Variants in GRM8 observed in about 807,000 individuals in gnomAD.
GRM8 encodes the protein glutamate metabotropic receptor 8.
In GRM8, 47 loss-of-function variants were observed where a neutral mutation model predicts 87.2. The observed-to-expected ratio is 0.54, with a 90% CI of 0.43 to 0.69. The LOEUF (loss-of-function observed/expected upper bound fraction) is 0.69, where lower values mean the gene tolerates loss of function less well. Among genes scored for constraint, GRM8 ranks in the 30% least tolerant of loss-of-function variants. The pLI is 0.00. For missense variants in GRM8, 1,019 were observed against 1,139.2 expected (o/e 0.89, Z 1.52); for synonymous variants, 396 against 404.5 (o/e 0.98, Z 0.25).
intron 8 of GRM8, among the ~76,000 whole-genome samples, chr7:126,591,686 T>A (rs1337836535): frequency 6.6e-6 from 1 of 150,946 alleles, no homozygotes; most frequent in Non-Finnish European, 1.5e-5. Flanking sequence ...AAGACCAGTC[T>A]AAGGTAAACA....
At chr7:127,218,497 C>T (rs979624503) in intron 2 of GRM8, among the ~76,000 whole-genome samples, 1 of 152,176 alleles carries the variant, frequency 6.6e-6, no homozygotes, top group Non-Finnish European at 1.5e-5. Context: ...CCTCAGTTTC[C>T]TCAATGTAAG....
intron 8 of GRM8, among the ~76,000 whole-genome samples, chr7:126,582,696 A>G (rs1036826987): frequency 5.9e-5 from 9 of 152,140 alleles, no homozygotes; most frequent in Admixed American, 3.9e-4. Context: ...ATCGAATCCA[A>G]TGCTCATTGA....
At chr7:126,934,818 T>A (rs569109481) in intron 3 of GRM8, among the ~76,000 whole-genome samples, 4 of 152,328 alleles carry the variant, frequency 2.6e-5, no homozygotes, top group Admixed American at 2.6e-4. Context: ...ATACTTTGAC[T>A]CCTTGGAGGT....
chr7:126,859,666 G>T (rs990195031), intron 6 of GRM8, among the ~76,000 whole-genome samples: 1 of 152,170 alleles, frequency 6.6e-6, no homozygotes. Flanking sequence ...TAAATGAAAT[G>T]CATATACGTA....
At chr7:127,125,765 A>AACACACACACACACACACAC (rs375563287) in intron 2 of GRM8, among the ~76,000 whole-genome samples, 63 of 141,182 alleles carry the variant, frequency 4.5e-4, no homozygotes, top group South Asian at 3.4e-3. Flanking sequence ...CAAACAACTA[A>AACACACACACACACACACAC]ACACACACAC....
rs1272615289 is a variant in GRM8, at chr7:127,252,673, G to C, written c.-312+124C>G. 1 of 153,962 alleles carries C rather than the reference G, an allele frequency of 6.5e-6. No homozygotes were observed. Among genetic ancestry groups the C allele is most frequent in the Non-Finnish European group, 1.4e-5 (1 of 69,322 alleles). The allele number at this position is 153,962 out of a possible 1,614,324, so 9.5% of individuals were successfully genotyped here. A position where few individuals can be genotyped will look rare whatever the true frequency, so the allele number is the denominator to read the frequency against. On this transcript the variant is annotated intron_variant, in intron 1 of 10. Coordinates refer to ENST00000339582, the MANE Select transcript of GRM8 (RefSeq NM_000845.3). This position sits in a 1 kb window ranked among gnomAD's most constrained non-coding sequence, Gnocchi z 4.9. The stretch of plus-strand genomic sequence containing the variant: ...AAAACGGAAAGGGGAATAAAACGGG[G>C]GGATTCTCCTTTTCCAACAAGCAGG...
intron 2 of GRM8, among the ~76,000 whole-genome samples, chr7:127,236,541 G>A (rs1797992674): frequency 1.3e-5 from 2 of 152,146 alleles, no homozygotes. Flanking sequence ...CAGATCTCGT[G>A]AGAACTCACT....
intron 7 of GRM8, among the ~76,000 whole-genome samples, chr7:126,648,846 G>T (rs1295908833): frequency 6.6e-6 from 1 of 152,136 alleles, no homozygotes; most frequent in Non-Finnish European, 1.5e-5. Flanking sequence ...CTTAGATGAA[G>T]AATATAGGGA....
chr7:126,907,456 C>G (rs1802834615), intron 3 of GRM8, among the ~76,000 whole-genome samples: 3 of 151,896 alleles, frequency 2.0e-5, no homozygotes, highest in Non-Finnish European at 4.4e-5. Flanking sequence ...GAGGACTGCT[C>G]AGGGAAAGCC....
chr7:126,494,347 A>G (rs1315334109), intron 9 of GRM8, among the ~76,000 whole-genome samples: 3 of 151,790 alleles, frequency 2.0e-5, no homozygotes, highest in Non-Finnish European at 4.4e-5. Context: ...ATTTCAAACA[A>G]TCTTAGAGAA....
At chr7:126,473,483 T>C (rs1363126309) in intron 9 of GRM8, among the ~76,000 whole-genome samples, 1 of 152,176 alleles carries the variant, frequency 6.6e-6, no homozygotes, top group Non-Finnish European at 1.5e-5. Flanking sequence ...ACCCAATGTA[T>C]CTAGGAAGTA....
chr7:127,038,100 T>TA (rs1250789495), intron 3 of GRM8, among the ~76,000 whole-genome samples: 1 of 152,182 alleles, frequency 6.6e-6, no homozygotes, highest in Non-Finnish European at 1.5e-5. Context: ...TGAATGTTGT[T>TA]TTCTGTCAGT....
At chr7:126,597,309 A>G (rs1276121613) in intron 8 of GRM8, among the ~76,000 whole-genome samples, 2 of 152,136 alleles carry the variant, frequency 1.3e-5, no homozygotes, top group Non-Finnish European at 2.9e-5. Flanking sequence ...TGGCCTATCT[A>G]CAATGGGAGG....
At chr7:126,999,370 C>G (rs1050339434) in intron 3 of GRM8, among the ~76,000 whole-genome samples, 1 of 151,518 alleles carries the variant, frequency 6.6e-6, no homozygotes, top group African/African-American at 2.4e-5. Flanking sequence ...CACAGGCAAC[C>G]AAAGCAAAAA....
chr7:126,477,275 A>G (rs560767450), intron 9 of GRM8, among the ~76,000 whole-genome samples: 15 of 152,094 alleles, frequency 9.9e-5, no homozygotes, highest in Non-Finnish European at 1.9e-4. Flanking sequence ...CAAAGCATAC[A>G]AAGTTTCAGT....
At chr7:126,542,185 C>T (rs1253190288) in intron 8 of GRM8, among the ~76,000 whole-genome samples, 1 of 152,158 alleles carries the variant, frequency 6.6e-6, no homozygotes, top group Non-Finnish European at 1.5e-5. Context: ...TTAAGCCACC[C>T]AGTCTGTGGT....
intron 7 of GRM8, among the ~76,000 whole-genome samples, chr7:126,632,854 G>A (rs1484224578): frequency 1.3e-5 from 2 of 152,026 alleles, no homozygotes; most frequent in African/African-American, 2.4e-5. Context: ...GAGACATGGG[G>A]GAACAACACA....
At chr7:126,586,413 T>A (rs1162578255) in intron 8 of GRM8, among the ~76,000 whole-genome samples, 1 of 152,200 alleles carries the variant, frequency 6.6e-6, no homozygotes, top group Non-Finnish European at 1.5e-5. Flanking sequence ...GGCATCATGC[T>A]ACCTGACTTC....
chr7:127,058,062 C>T (rs759409338), intron 3 of GRM8: 4 of 443,010 alleles, frequency 9.0e-6, no homozygotes, highest in East Asian at 1.5e-4. Flanking sequence ...TTTAAAAACC[C>T]TTCTGGAATC....
Sources: gnomAD v4.1 joint callset for allele counts (sites outside exome capture counted in the v4.1 genomes callset) on GRCh38, gnomAD v4.1.1 for gene constraint, Gnocchi (gnomAD v3.1) non-coding constraint, MANE v1.5 for transcripts, NCBI Gene and HGNC (gene_info 2026-07-23, HGNC 2026-07-21) for gene names.